Variants in SPTLC2 observed in about 807,000 individuals in gnomAD.
SPTLC2 encodes serine palmitoyltransferase long chain base subunit 2.
A neutral mutation model predicts 62.0 loss-of-function variants in SPTLC2; 21 were observed. The observed-to-expected ratio is 0.34, with a 90% CI of 0.24 to 0.49. The LOEUF (loss-of-function observed/expected upper bound fraction) is 0.49. Among genes scored for constraint, SPTLC2 ranks in the 20% least tolerant of loss-of-function variants. The pLI is 0.99. For synonymous variants in SPTLC2, 261 were observed against 261.8 expected (o/e 1.00, Z 0.03); for missense variants, 511 against 713.0 (o/e 0.72, Z 3.23).
Position 77,513,043 on chromosome 14 carries a change from T to TTTTTTA in SPTLC2, c.1570-641_1570-640insTAAAAA, listed in dbSNP as rs66611905. On this transcript the variant is annotated intron_variant, in intron 11 of 11. Coordinates refer to ENST00000216484, the MANE Select transcript of SPTLC2 (RefSeq NM_004863.4). The stretch of plus-strand genomic sequence containing the variant: ...TTTTTTTTTTTTTTTTTTTTTTTTT[T>TTTTTTA]GAGACAGAGTCTTGCTTTATTACCC... Among the ~76,000 whole-genome samples the TTTTTTA allele has an allele frequency of 8.6e-5, 12 of 139,168 alleles. 1 individual carries two copies. Among genetic ancestry groups the TTTTTTA allele is most frequent in the African/African-American group, 3.1e-4 (11 of 35,862 alleles). The allele number at this position is 139,168 out of a possible 152,430, so 91.3% of individuals were successfully genotyped here.
At position 77,506,415 on chromosome 14, in the gene SPTLC2, T is replaced by C. The variant is rs891775343; in HGVS notation, c.*5869A>G. The C allele has an allele frequency of 6.6e-6, 1 of 152,216 alleles. No individual in the cohort carries two copies. Among genetic ancestry groups the C allele is most frequent in the Non-Finnish European group, 1.5e-5 (1 of 68,046 alleles). 9.4% of individuals were successfully genotyped at this position (152,216 alleles called of 1,614,324 possible). A position where few individuals can be genotyped will look rare whatever the true frequency, so the allele number is the denominator to read the frequency against. ...AAGATCTCAGCTCTCCCATAAGCTA[T>C]TGCTCTCTTCTTCTCTTTCCCCCTT... is the stretch of plus-strand genomic sequence containing the variant. On this transcript the variant is annotated 3_prime_UTR_variant, in exon 12 of 12. Coordinates refer to ENST00000216484, the MANE Select transcript of SPTLC2 (RefSeq NM_004863.4).
At chr14:77,540,484 A>T (rs965488755) in intron 9 of SPTLC2, among the ~76,000 whole-genome samples, 10 of 152,048 alleles carry the variant, frequency 6.6e-5, no homozygotes, top group Non-Finnish European at 1.0e-4. Context: ...TTAATTTTTT[A>T]AATTTTTTGA....
chr14:77,608,284 T>G (rs2079915809), intron 1 of SPTLC2, among the ~76,000 whole-genome samples: 1 of 152,220 alleles, frequency 6.6e-6, no homozygotes, highest in African/African-American at 2.4e-5. Context: ...CGGGTTTCTT[T>G]AACAGCTTAT....
chr14:77,531,958 A>G (rs1439902081), intron 9 of SPTLC2, among the ~76,000 whole-genome samples: 17 of 152,372 alleles, frequency 1.1e-4, no homozygotes, highest in Admixed American at 9.8e-4. Context: ...AAAATCACCC[A>G]AAGTTAAACA....
At chr14:77,534,176 T>A (rs895636660) in intron 9 of SPTLC2, among the ~76,000 whole-genome samples, 1 of 110,548 alleles carries the variant, frequency 9.0e-6, no homozygotes, top group African/African-American at 3.6e-5. Context: ...TCTCTCTCTC[T>A]CTCACACACA....
At position 77,510,007 on chromosome 14, in the gene SPTLC2, A is replaced by G. The variant is rs2079324469; in HGVS notation, c.*2277T>C. 1.8e-5 allele frequency: 7 copies of G among 398,286 alleles called. No individual in the cohort carries two copies. The highest frequency in any genetic ancestry group is 2.7e-5 in the Non-Finnish European group (6 of 225,878). The allele number at this position is 398,286 out of a possible 1,614,324, so 24.7% of individuals were successfully genotyped here. On this transcript the variant is annotated 3_prime_UTR_variant, in exon 12 of 12. Transcript: ENST00000216484. ...TAAGTTTGTGACTTTTACAAACCCTACGTTTACATTAGTAAATAGTAACTG... is the reference window on the plus strand; with the variant it reads ...TAAGTTTGTGACTTTTACAAACCCTGCGTTTACATTAGTAAATAGTAACTG...
intron 9 of SPTLC2, among the ~76,000 whole-genome samples, chr14:77,541,988 C>T (rs2079502991): frequency 6.7e-6 from 1 of 149,466 alleles, no homozygotes; most frequent in Admixed American, 6.7e-5. Flanking sequence ...ACCTGGGAAG[C>T]GGAGGTTGCA....
At chr14:77,598,799 T>C (rs2079862016) in intron 1 of SPTLC2, among the ~76,000 whole-genome samples, 1 of 151,760 alleles carries the variant, frequency 6.6e-6, no homozygotes, top group African/African-American at 2.4e-5. Flanking sequence ...TAGCTGGACA[T>C]GGTGGCACAT....
chr14:77,600,140 T>C (rs2079869423), intron 1 of SPTLC2, among the ~76,000 whole-genome samples: 1 of 152,168 alleles, frequency 6.6e-6, no homozygotes, highest in Non-Finnish European at 1.5e-5. Flanking sequence ...ACAGGCAGGA[T>C]CAGGTCAATT....
At chr14:77,544,126 C>T (rs568695646) in intron 9 of SPTLC2, among the ~76,000 whole-genome samples, 1 of 151,998 alleles carries the variant, frequency 6.6e-6, no homozygotes, top group Non-Finnish European at 1.5e-5. Context: ...TCCGCCTTGG[C>T]CTCCCAAGTA....
intron 9 of SPTLC2, among the ~76,000 whole-genome samples, chr14:77,542,218 G>C (rs2079505088): frequency 6.6e-6 from 1 of 152,026 alleles, no homozygotes; most frequent in Admixed American, 6.6e-5. Context: ...ACTGGTATTT[G>C]AATTTATTTC....
chr14:77,509,739 G>A lies in SPTLC2; in HGVS notation c.*2545C>T. The stretch of plus-strand genomic sequence containing the variant: ...GATTTACATTACAGTTTCAAGAAGA[G>A]ACAACCAACCATGTATAATGTCTAC... On this transcript the variant is annotated 3_prime_UTR_variant, in exon 12 of 12. Coordinates refer to ENST00000216484, the MANE Select transcript of SPTLC2 (RefSeq NM_004863.4). 2.5e-6 allele frequency: 1 copy of A among 396,266 alleles called. No individual in the cohort carries two copies. The highest frequency in any genetic ancestry group is 4.4e-6 in the Non-Finnish European group (1 of 225,080). 24.5% of individuals were successfully genotyped at this position (396,266 alleles called of 1,614,324 possible).
chr14:77,599,724 A>G (rs1252666016), intron 1 of SPTLC2, among the ~76,000 whole-genome samples: 4 of 152,262 alleles, frequency 2.6e-5, no homozygotes, highest in African/African-American at 4.8e-5. Context: ...TGGGAGTAAG[A>G]CTGTAATGTG....
At chr14:77,544,754 C>T (rs1305717728) in intron 9 of SPTLC2, among the ~76,000 whole-genome samples, 6 of 152,224 alleles carry the variant, frequency 3.9e-5, no homozygotes, top group African/African-American at 1.4e-4. Context: ...GACGTTGCGC[C>T]TCCTTCTCCA....
intron 2 of SPTLC2, among the ~76,000 whole-genome samples, chr14:77,586,019 T>C (rs2079778949): frequency 6.6e-6 from 1 of 152,102 alleles, no homozygotes; most frequent in Admixed American, 6.5e-5. Flanking sequence ...AGTGTGTTGG[T>C]TTCTCAAAGG....
chr14:77,553,749 A>AT (rs1322478748), intron 8 of SPTLC2, among the ~76,000 whole-genome samples: 12 of 151,056 alleles, frequency 7.9e-5, no homozygotes, highest in Admixed American at 4.0e-4. Flanking sequence ...AAAAAAAAAA[A>AT]ATCTATCAAA....
Position 77,507,552 on chromosome 14 carries a change from G to A in SPTLC2, c.*4732C>T, listed in dbSNP as rs2139985692. 6.6e-6 allele frequency: 1 copy of A among 152,302 alleles called. No individual in the cohort carries two copies. The highest frequency in any genetic ancestry group is 1.5e-5 in the Non-Finnish European group (1 of 68,082). 9.4% of individuals were successfully genotyped at this position (152,302 alleles called of 1,614,324 possible). On this transcript the variant is annotated 3_prime_UTR_variant, in exon 12 of 12. Coordinates refer to ENST00000216484, the MANE Select transcript of SPTLC2 (RefSeq NM_004863.4). ...TCGCCATGTTGGCCAGACTGTTCTCGAACTCCTGGCCTCAAGCAATCTGCC... is the reference window on the plus strand; with the variant it reads ...TCGCCATGTTGGCCAGACTGTTCTCAAACTCCTGGCCTCAAGCAATCTGCC...
chr14:77,593,081 C>A (rs962689895), intron 2 of SPTLC2, among the ~76,000 whole-genome samples: 1 of 147,546 alleles, frequency 6.8e-6, no homozygotes, highest in South Asian at 2.1e-4. Flanking sequence ...CCAGCCTGGG[C>A]GACAGAGTGA....
In SPTLC2 at chr14:77,515,066, T is replaced by C. The variant is rs183050641; in HGVS notation, c.1570-2663A>G. Among the ~76,000 whole-genome samples the C allele has an allele frequency of 5.8e-4, 88 of 152,358 alleles. 1 individual carries two copies. The highest frequency in any genetic ancestry group is 1.8e-3 in the African/African-American group (75 of 41,580). On this transcript the variant is annotated intron_variant, in intron 11 of 11. Coordinates refer to ENST00000216484, the MANE Select transcript of SPTLC2 (RefSeq NM_004863.4). ...CTTGGCTCCCTTGTTGAAAACAAAT[T>C]GGCCATAGATGCTTGTGCTTTATTT... is the stretch of plus-strand genomic sequence containing the variant.
Sources: allele counts gnomAD v4.1 joint callset (sites outside exome capture counted in the v4.1 genomes callset), GRCh38; gene constraint gnomAD v4.1.1; transcripts MANE v1.5; gene names NCBI Gene and HGNC (gene_info 2026-07-23, HGNC 2026-07-21).